Variants in ZBTB20 observed in about 807,000 individuals in gnomAD.
ZBTB20 encodes zinc finger and BTB domain-containing protein 20.
A neutral mutation model predicts 56.9 loss-of-function variants in ZBTB20; 9 were observed. The observed-to-expected ratio is 0.16, with a 90% CI of 0.10 to 0.28. The LOEUF (loss-of-function observed/expected upper bound fraction) is 0.28, where lower values mean the gene tolerates loss of function less well. ZBTB20 is among the 10% of genes least tolerant of loss of function. The pLI is 1.00. For missense variants in ZBTB20, 655 were observed against 1,003.0 expected, an observed-to-expected ratio of 0.65 and a Z score of 4.69; for synonymous variants, 417 against 420.7, an observed-to-expected ratio of 0.99 and a Z score of 0.11.
intron 5 of ZBTB20, 33 bp downstream of exon 5, chr3:114,801,068 A>G (rs899567757): frequency 6.6e-6 from 1 of 152,132 alleles, no homozygotes; most frequent in Non-Finnish European, 1.5e-5. Context: ...GGTCACAGAA[A>G]CACAGAAGAA....
intron 5 of ZBTB20, among the ~76,000 whole-genome samples, chr3:114,790,929 C>G (rs2070918773): frequency 6.6e-6 from 1 of 152,010 alleles, no homozygotes; most frequent in Admixed American, 6.6e-5. Flanking sequence ...CAGAAGACTT[C>G]CCTATATGAT....
intron 4 of ZBTB20, among the ~76,000 whole-genome samples, chr3:114,802,806 C>G (rs113100680): frequency 0.011 from 1,632 of 151,894 alleles, 24 homozygotes; most frequent in African/African-American, 0.037. Flanking sequence ...TTCTACTCAC[C>G]AACAAAATAT....
intron 2 of ZBTB20, among the ~76,000 whole-genome samples, chr3:114,980,537 A>G (rs1291595494): frequency 6.6e-6 from 1 of 150,514 alleles, no homozygotes; most frequent in Non-Finnish European, 1.5e-5. Context: ...CAGTAAAATT[A>G]TTTTTCTTCC....
intron 7 of ZBTB20, among the ~76,000 whole-genome samples, chr3:114,398,455 A>G (rs2086529142): frequency 6.6e-6 from 1 of 152,150 alleles, no homozygotes; most frequent in South Asian, 2.1e-4. Context: ...ATGTTCCATC[A>G]CAATATTGGG....
intron 6 of ZBTB20, among the ~76,000 whole-genome samples, chr3:114,640,919 G>A (rs1047568318): frequency 6.6e-6 from 1 of 151,862 alleles, no homozygotes; most frequent in African/African-American, 2.4e-5. Flanking sequence ...AAGCACGTAT[G>A]CCCTTAAGAT....
intron 2 of ZBTB20, among the ~76,000 whole-genome samples, chr3:115,010,791 G>A (rs1416809488): frequency 2.0e-5 from 3 of 151,934 alleles, no homozygotes; most frequent in Non-Finnish European, 1.5e-5. Context: ...ATCCCCGTAT[G>A]AACTAAATAA....
At chr3:114,867,145 C>T (rs575904726) in intron 4 of ZBTB20, among the ~76,000 whole-genome samples, 275 of 152,244 alleles carry the variant, frequency 1.8e-3, no homozygotes, top group Middle Eastern at 6.8e-3. Context: ...GTTCTGTGGG[C>T]ACTCGGCTCT....
chr3:114,828,284 A>C (rs921170464), intron 4 of ZBTB20, among the ~76,000 whole-genome samples: 4 of 151,720 alleles, frequency 2.6e-5, no homozygotes, highest in Admixed American at 6.6e-5. Context: ...TTGCACATAC[A>C]TATTTTTATA....
At chr3:114,974,687 A>C (rs1413712146) in intron 2 of ZBTB20, among the ~76,000 whole-genome samples, 1 of 152,170 alleles carries the variant, frequency 6.6e-6, no homozygotes, top group African/African-American at 2.4e-5. Context: ...TTAACTCATA[A>C]GGATATTTGC....
In ZBTB20 at chr3:114,331,923, A is replaced by C. The variant is rs1283346457; in HGVS notation, c.*7082T>G. ...GTATAAATAATGTATACTCATTTAT[A>C]GACATTTTGGACAGCAGCGGTGACA... On this transcript the variant is annotated 3_prime_UTR_variant, in exon 12 of 12. Transcript: ENST00000675478. 1 of 152,046 alleles carries C rather than the reference A, an allele frequency of 6.6e-6. No individual in the cohort carries two copies. The highest frequency in any genetic ancestry group is 1.9e-4 in the East Asian group (1 of 5,202). The allele number at this position is 152,046 out of a possible 1,614,324, so 9.4% of individuals were successfully genotyped here.
intron 2 of ZBTB20, among the ~76,000 whole-genome samples, chr3:115,040,771 G>C (rs2081109436): frequency 6.6e-6 from 1 of 152,116 alleles, no homozygotes; most frequent in South Asian, 2.1e-4. Context: ...TGCATCATGT[G>C]TGAGAAACTC....
rs147328308 is a variant in ZBTB20, at chr3:115,041,901, G to A, written c.-507+29318C>T. Among the ~76,000 whole-genome samples the A allele has an allele frequency of 2.0e-4, 30 of 152,222 alleles. No individual in the cohort carries two copies. The East Asian group carries it at 4.4e-3, about 23-fold the overall frequency. ...CTCTGTCTATTTCCTGAGGGAAAGCGGCTATAATGAGCCTGCCTGAATTAT... is the reference window on the plus strand; with the variant it reads ...CTCTGTCTATTTCCTGAGGGAAAGCAGCTATAATGAGCCTGCCTGAATTAT... On this transcript the variant is annotated intron_variant, in intron 2 of 11. Transcript: ENST00000675478.
chr3:114,748,265 G>A (rs1578674674), intron 5 of ZBTB20, among the ~76,000 whole-genome samples: 1 of 145,950 alleles, frequency 6.9e-6, no homozygotes, highest in East Asian at 2.0e-4. Flanking sequence ...ATGGTTCTGG[G>A]GTTTTTGTTG....
intron 5 of ZBTB20, among the ~76,000 whole-genome samples, chr3:114,712,065 G>A (rs1212170919): frequency 6.6e-6 from 1 of 152,164 alleles, no homozygotes; most frequent in African/African-American, 2.4e-5. Flanking sequence ...AGTCCTGGCA[G>A]CGATCAGTGA....
At chr3:115,040,915 T>C (rs1346193794) in intron 2 of ZBTB20, among the ~76,000 whole-genome samples, 2 of 152,146 alleles carry the variant, frequency 1.3e-5, no homozygotes, top group Non-Finnish European at 2.9e-5. Context: ...TAATATCAGT[T>C]ACTATTTCTG....
chr3:114,629,149 T>C (rs948664855), intron 6 of ZBTB20, among the ~76,000 whole-genome samples: 72 of 152,312 alleles, frequency 4.7e-4, no homozygotes, highest in African/African-American at 1.6e-3. Context: ...TAGATTCAAA[T>C]TTTGGCTCTG....
chr3:114,441,723 C>T (rs143250421), intron 7 of ZBTB20, among the ~76,000 whole-genome samples: 59 of 152,120 alleles, frequency 3.9e-4, no homozygotes, highest in African/African-American at 1.3e-3. Flanking sequence ...GGCAACACAC[C>T]GGTGAATATA....
intron 3 of ZBTB20, among the ~76,000 whole-genome samples, chr3:114,903,842 C>A (rs922609625): frequency 2.0e-5 from 3 of 151,850 alleles, no homozygotes; most frequent in African/African-American, 7.3e-5. Flanking sequence ...GGAGATCCTG[C>A]AGATGACCAG....
At chr3:114,907,184 C>T (rs2075351853) in intron 3 of ZBTB20, among the ~76,000 whole-genome samples, 1 of 145,108 alleles carries the variant, frequency 6.9e-6, no homozygotes, top group South Asian at 2.3e-4. Flanking sequence ...TGTGTTCTTG[C>T]TCTTTAGGTG....
Sources: allele counts gnomAD v4.1 joint callset (sites outside exome capture counted in the v4.1 genomes callset), GRCh38; gene constraint gnomAD v4.1.1; transcripts MANE v1.5; gene names NCBI Gene and HGNC (gene_info 2026-07-23, HGNC 2026-07-21).